Variants in SCHIP1 observed in about 807,000 individuals in gnomAD.
SCHIP1 encodes schwannomin-interacting protein 1.
A neutral mutation model predicts 29.7 loss-of-function variants in SCHIP1; 8 were observed. That is an observed-to-expected ratio of 0.27 (90% CI 0.16 to 0.49). The LOEUF is 0.49. SCHIP1 is among the 20% of genes least tolerant of loss of function. The probability of loss-of-function intolerance (pLI) is 0.99; values close to 1 mark genes in which losing one functional copy is unlikely to be tolerated. For missense variants in SCHIP1, 193 were observed against 294.6 expected, an observed-to-expected ratio of 0.66 and a Z score of 2.52; for synonymous variants, 76 against 94.9, an observed-to-expected ratio of 0.80 and a Z score of 1.16.
At chr3:159,684,782 T>C in the SCHIP1 span, among the ~76,000 whole-genome samples, 38 of 129,028 alleles carry the variant, frequency 2.9e-4, no homozygotes, top group Non-Finnish European at 4.8e-4. Context: ...CTGGCCTGAG[T>C]GGCAGAGTGA....
the SCHIP1 span, among the ~76,000 whole-genome samples, chr3:159,627,407 T>A: frequency 1.3e-5 from 2 of 152,240 alleles, no homozygotes; most frequent in African/African-American, 2.4e-5. Context: ...TACTTGGCAC[T>A]GGCTGTCTGC....
the SCHIP1 span, among the ~76,000 whole-genome samples, chr3:159,639,680 T>C: frequency 1.3e-5 from 2 of 152,170 alleles, no homozygotes; most frequent in Non-Finnish European, 2.9e-5. Flanking sequence ...TATGAGTCTA[T>C]GGTTTGTAAC....
At chr3:159,362,296 C>T in the SCHIP1 span, among the ~76,000 whole-genome samples, 5 of 152,218 alleles carry the variant, frequency 3.3e-5, no homozygotes, top group South Asian at 1.0e-3. Flanking sequence ...AGGAATCATC[C>T]AAATTTTACT....
chr3:159,886,025 C>A (rs1460047974), intron 2 of SCHIP1, among the ~76,000 whole-genome samples, 182 bp from the exon 4 acceptor site: 1 of 152,222 alleles, frequency 6.6e-6, no homozygotes, highest in Non-Finnish European at 1.5e-5. Context: ...AAAAAACTCA[C>A]AGAACATTGG....
the SCHIP1 span, among the ~76,000 whole-genome samples, chr3:159,638,601 G>C: frequency 6.7e-6 from 1 of 149,190 alleles, no homozygotes; most frequent in Admixed American, 6.7e-5. Context: ...ACCTCCTATG[G>C]CCCTATTATA....
At chr3:159,839,628 C>CTT (rs3068349), upstream of SCHIP1, among the ~76,000 whole-genome samples, 29 of 71,770 alleles carry the variant, frequency 4.0e-4, no homozygotes, top group South Asian at 7.1e-4. Flanking sequence ...AGGTCTTTTT[C>CTT]TTTTTTTTTT....
chr3:159,749,021 CA>C, the SCHIP1 span, among the ~76,000 whole-genome samples: 1 of 152,116 alleles, frequency 6.6e-6, no homozygotes, highest in African/African-American at 2.4e-5. Context: ...CCTATAATCC[CA>C]GCACTTTGGG....
At chr3:159,395,189 A>G in the SCHIP1 span, among the ~76,000 whole-genome samples, 15 of 151,302 alleles carry the variant, frequency 9.9e-5, no homozygotes, top group African/African-American at 1.7e-4. Context: ...TTTTTATTGC[A>G]TCTATTTGAT....
chr3:159,314,810 A>G, the SCHIP1 span, among the ~76,000 whole-genome samples: 5 of 152,326 alleles, frequency 3.3e-5, no homozygotes, highest in Admixed American at 6.5e-5. Context: ...TGGTATTTCA[A>G]TTACTTGGAT....
chr3:159,839,306 T>G (rs1169011517), upstream of SCHIP1, among the ~76,000 whole-genome samples: 1 of 151,570 alleles, frequency 6.6e-6, no homozygotes. Flanking sequence ...AAAAAAACCT[T>G]CCAATTAAGA....
chr3:159,726,971 A>G, the SCHIP1 span, among the ~76,000 whole-genome samples: 1 of 152,228 alleles, frequency 6.6e-6, no homozygotes. Context: ...AATTGGCGAT[A>G]TGCTGGAAAC....
the SCHIP1 span, among the ~76,000 whole-genome samples, chr3:159,398,427 C>G: frequency 0.027 from 4,110 of 152,198 alleles, 74 homozygotes; most frequent in East Asian, 0.11. Context: ...GATGAAGGTT[C>G]TGGTAGGTCA....
At chr3:159,401,312 T>C in the SCHIP1 span, 2,240 of 931,340 alleles carry the variant, frequency 2.4e-3, 38 homozygotes, top group African/African-American at 0.037. Context: ...AATTTGAAAA[T>C]ATACAAACTC....
the SCHIP1 span, among the ~76,000 whole-genome samples, chr3:159,528,154 G>A: frequency 2.6e-5 from 4 of 152,172 alleles, no homozygotes; most frequent in Admixed American, 2.6e-4. Context: ...TAATGCAAAG[G>A]TTTGTTTAAA....
chr3:159,774,963 C>A, the SCHIP1 span, among the ~76,000 whole-genome samples: 24 of 151,332 alleles, frequency 1.6e-4, no homozygotes, highest in Non-Finnish European at 2.8e-4. Flanking sequence ...TCTTTTTTTT[C>A]TTCCATTTCT....
At chr3:159,380,777 A>C in the SCHIP1 span, among the ~76,000 whole-genome samples, 1 of 152,182 alleles carries the variant, frequency 6.6e-6, no homozygotes, top group Non-Finnish European at 1.5e-5. Context: ...CAACTTTTTC[A>C]GTGCCACATA....
the SCHIP1 span, among the ~76,000 whole-genome samples, chr3:159,715,502 G>GA: frequency 5.9e-5 from 9 of 152,254 alleles, no homozygotes; most frequent in South Asian, 1.5e-3. Flanking sequence ...TAAAAACCTT[G>GA]AAAAAAGATT....
the SCHIP1 span, among the ~76,000 whole-genome samples, chr3:159,531,405 A>G: frequency 6.6e-6 from 1 of 152,310 alleles, no homozygotes; most frequent in African/African-American, 2.4e-5. Context: ...TTCCAGTCCC[A>G]CTATCAAACA....
At chr3:159,562,560 C>T in the SCHIP1 span, among the ~76,000 whole-genome samples, 2 of 152,166 alleles carry the variant, frequency 1.3e-5, no homozygotes, top group South Asian at 2.1e-4. Context: ...GTGGCACAAT[C>T]GATCAAGACA....
Sources: allele counts gnomAD v4.1 joint callset (sites outside exome capture counted in the v4.1 genomes callset), GRCh38; gene constraint gnomAD v4.1.1; transcripts MANE v1.5; gene names NCBI Gene and HGNC (gene_info 2026-07-23, HGNC 2026-07-21).